Variants in SIRT5 observed in about 807,000 individuals in gnomAD.
SIRT5 encodes the protein NAD-dependent protein deacylase sirtuin-5, mitochondrial.
A neutral mutation model predicts 40.0 loss-of-function variants in SIRT5; 26 were observed. That is an observed-to-expected ratio of 0.65 (90% confidence interval 0.48 to 0.90). SIRT5 has a LOEUF of 0.90. SIRT5 is among the 40% of genes least tolerant of loss of function. The pLI, the probability that SIRT5 is intolerant of heterozygous loss-of-function variation, is 0.00. For synonymous variants in SIRT5, 146 were observed against 149.1 expected (o/e 0.98, Z 0.15); for missense variants, 401 against 402.4 (o/e 1.00, Z 0.03).
intron 3 of SIRT5, among the ~76,000 whole-genome samples, chr6:13,586,589 A>G (rs1297923032): frequency 5.3e-5 from 8 of 152,258 alleles, no homozygotes; most frequent in African/African-American, 1.9e-4. Flanking sequence ...GTTCTGTTCC[A>G]CCGTGACTGT....
chr6:13,575,408 G>A (rs931433767), intron 1 of SIRT5, among the ~76,000 whole-genome samples: 14 of 152,130 alleles, frequency 9.2e-5, no homozygotes, highest in African/African-American at 3.4e-4. Context: ...CCCTAGTGGA[G>A]ACACCTGGGA....
intron 9 of SIRT5, among the ~76,000 whole-genome samples, chr6:13,611,260 T>TAA (rs1457017131): frequency 4.1e-5 from 6 of 145,068 alleles, no homozygotes; most frequent in African/African-American, 1.5e-4. Context: ...CACACACACA[T>TAA]ATATATACAC....
chr6:13,611,607 T>C (rs1032032750), intron 9 of SIRT5, among the ~76,000 whole-genome samples, 183 bp from the exon 10 acceptor site: 6 of 152,152 alleles, frequency 3.9e-5, no homozygotes, highest in African/African-American at 1.4e-4. Flanking sequence ...CATAGTGAAG[T>C]GTTATAACTA....
intron 7 of SIRT5, among the ~76,000 whole-genome samples, chr6:13,597,748 G>A (rs1761782992): frequency 6.6e-6 from 1 of 152,080 alleles, no homozygotes; most frequent in Non-Finnish European, 1.5e-5. Context: ...GTTTCGCCAT[G>A]TTGGCCAGGC....
intron 1 of SIRT5, among the ~76,000 whole-genome samples, chr6:13,577,698 A>G (rs192551820): frequency 6.7e-6 from 1 of 148,474 alleles, no homozygotes; most frequent in African/African-American, 2.4e-5. Context: ...TATCTTATAT[A>G]CATAGATATT....
At chr6:13,598,044 G>A (rs765820152) in intron 7 of SIRT5, among the ~76,000 whole-genome samples, 5 of 152,190 alleles carry the variant, frequency 3.3e-5, no homozygotes, top group Admixed American at 2.0e-4. Context: ...CCACATTGCT[G>A]CCTTCTAAAA....
intron 1 of SIRT5, among the ~76,000 whole-genome samples, chr6:13,575,926 C>T (rs1239689593): frequency 4.6e-5 from 7 of 152,164 alleles, no homozygotes; most frequent in Non-Finnish European, 2.9e-5. Context: ...CTGTGCCTGG[C>T]TTATTTTACT....
intron 3 of SIRT5, among the ~76,000 whole-genome samples, chr6:13,584,631 G>A (rs1759814692): frequency 6.6e-6 from 1 of 152,212 alleles, no homozygotes; most frequent in Non-Finnish European, 1.5e-5. Context: ...TTACAGGCAT[G>A]AGCCACCGCG....
In SIRT5 at chr6:13,612,669, A is replaced by G. The variant is rs1374027335; in HGVS notation, c.*804A>G. 1 of 152,234 alleles carries G rather than the reference A, an allele frequency of 6.6e-6. No individual in the cohort carries two copies. The highest frequency in any genetic ancestry group is 1.5e-5 in the Non-Finnish European group (1 of 68,104). The allele number at this position is 152,234 out of a possible 1,614,324, so 9.4% of individuals were successfully genotyped here. A position where few individuals can be genotyped will look rare whatever the true frequency, so the allele number is the denominator to read the frequency against. On this transcript the variant is annotated 3_prime_UTR_variant, in exon 10 of 10. Coordinates refer to ENST00000606117, the MANE Select transcript of SIRT5 (RefSeq NM_012241.5). ...GGGGGCTTTTTAACCTTGTTTGGCTACATTACCTCAGTGAACAAGGGGAAG... is the reference window on the plus strand; with the variant it reads ...GGGGGCTTTTTAACCTTGTTTGGCTGCATTACCTCAGTGAACAAGGGGAAG...
At chr6:13,590,599 A>ATGTGTATGTTGTGTGTATGTATGT (rs1562268719) in intron 4 of SIRT5, among the ~76,000 whole-genome samples, 2 of 151,204 alleles carry the variant, frequency 1.3e-5, no homozygotes, top group African/African-American at 4.9e-5. Context: ...ATGTGTAGTT[A>ATGTGTATGTTGTGTGTATGTATGT]TGTGTATGTT....
intron 2 of SIRT5, 116 bp from the exon 3 acceptor site, chr6:13,583,960 T>C (rs1759718274): frequency 2.2e-6 from 1 of 454,860 alleles, no homozygotes; most frequent in Non-Finnish European, 3.8e-6. Context: ...GGGTATAATA[T>C]AATATACATG....
intron 9 of SIRT5, among the ~76,000 whole-genome samples, chr6:13,609,217 C>A (rs1202449076): frequency 6.6e-6 from 1 of 152,130 alleles, no homozygotes; most frequent in Non-Finnish European, 1.5e-5. Context: ...GGAGACAGTT[C>A]CTCCTGTTCT....
Position 13,583,992 on chromosome 6 carries a change from A to G in SIRT5, c.-35-84A>G, listed in dbSNP as rs375691582. ...CATGATGCGTTTCTGTAATATATAA[A>G]ATATAAATATTTATACATATTTCCA... On this transcript the variant is annotated intron_variant, in intron 2 of 9. Transcript: ENST00000606117. The G allele has an allele frequency of 1.2e-4, 66 of 546,672 alleles. 1 individual carries two copies. The highest frequency in any genetic ancestry group is 9.3e-4 in the East Asian group (29 of 31,054). The allele number at this position is 546,672 out of a possible 1,614,324, so 33.9% of individuals were successfully genotyped here.
chr6:13,606,440 G>A (rs957479579), intron 9 of SIRT5, among the ~76,000 whole-genome samples: 16 of 152,140 alleles, frequency 1.1e-4, no homozygotes, highest in African/African-American at 3.9e-4. Context: ...CCTATCTAGG[G>A]TGTGAAGAGG....
In SIRT5 at chr6:13,614,299, C is replaced by T. The variant is rs1355310205; in HGVS notation, c.*2434C>T. On this transcript the variant is annotated 3_prime_UTR_variant, in exon 10 of 10. Coordinates refer to ENST00000606117, the MANE Select transcript of SIRT5 (RefSeq NM_012241.5). Reference sequence around the variant, plus strand: ...TCAGACCAGCGCAATTAGAGATGGGCAGAGTGGGATGGGGTAGGGGTAAGG... The same window carrying T: ...TCAGACCAGCGCAATTAGAGATGGGTAGAGTGGGATGGGGTAGGGGTAAGG... 6.6e-6 allele frequency: 1 copy of T among 152,088 alleles called. No homozygotes were observed. Among genetic ancestry groups the T allele is most frequent in the African/African-American group, 2.4e-5 (1 of 41,390 alleles). 9.4% of individuals were successfully genotyped at this position (152,088 alleles called of 1,614,324 possible).
At position 13,591,786 on chromosome 6, in the gene SIRT5, G is replaced by C. The variant is rs201785111; in HGVS notation, c.367G>C (p.Glu123Gln). Reference sequence around the variant, plus strand: ...CAACGCCGGGCACCGCGCCATAGCCGAGTGTGAGACCCGGCTGGGCAAGCA... The same window carrying C: ...CAACGCCGGGCACCGCGCCATAGCCCAGTGTGAGACCCGGCTGGGCAAGCA... ...EPNAGHRAIA[E>Q]CETRLGKQGR... The change falls in exon 5 of 10, where the codon GAG becomes CAG. Residue 123 changes from glutamate (E) to glutamine (Q), a missense_variant. Glu to Gln is a conservative substitution (Grantham distance 29, BLOSUM62 2). Transcript: ENST00000606117. The C allele has an allele frequency of 2.9e-4, 476 of 1,614,014 alleles. No individual in the cohort carries two copies. Among genetic ancestry groups the C allele is most frequent in the Non-Finnish European group, 3.9e-4 (457 of 1,179,996 alleles).
intron 1 of SIRT5, among the ~76,000 whole-genome samples, 177 bp from the exon 2 acceptor site, chr6:13,579,274 G>A (rs1178495702): frequency 1.1e-4 from 16 of 152,210 alleles, no homozygotes; most frequent in Admixed American, 8.5e-4. Context: ...CTTTGTAGTC[G>A]CAAATAAAGA....
intron 2 of SIRT5, among the ~76,000 whole-genome samples, chr6:13,581,315 C>A (rs953459117): frequency 7.9e-5 from 12 of 152,304 alleles, no homozygotes; most frequent in Non-Finnish European, 1.8e-4. Context: ...AACTTTGATA[C>A]TTTTCTGAAG....
chr6:13,580,639 TTC>T (rs1759219158), intron 2 of SIRT5, among the ~76,000 whole-genome samples: 1 of 152,130 alleles, frequency 6.6e-6, no homozygotes, highest in African/African-American at 2.4e-5. Flanking sequence ...CTTTTTCTCT[TTC>T]TCTCTTTCTC....
Sources: allele counts gnomAD v4.1 joint callset (sites outside exome capture counted in the v4.1 genomes callset), GRCh38; gene constraint gnomAD v4.1.1; transcripts MANE v1.5; gene names NCBI Gene and HGNC (gene_info 2026-07-23, HGNC 2026-07-21).